The following ENAH variants were observed in gnomAD, a reference collection of about 807,000 sequenced individuals.
ENAH encodes protein enabled homolog.
In ENAH, 23 loss-of-function variants were observed where a neutral mutation model predicts 78.7. The ratio of observed to expected loss-of-function variants is 0.29; its 90% CI spans 0.21 to 0.41. The LOEUF is 0.41. ENAH is among the 10% of genes least tolerant of loss of function. The probability of loss-of-function intolerance (pLI) is 1.00; values close to 1 mark genes in which losing one functional copy is unlikely to be tolerated. For missense variants in ENAH, 544 were observed against 691.0 expected (o/e 0.79, Z 2.39); for synonymous variants, 226 against 241.0 (o/e 0.94, Z 0.58).
chr1:225,540,271 C>T (rs1336515976), intron 3 of ENAH, among the ~76,000 whole-genome samples: 3 of 152,056 alleles, frequency 2.0e-5, no homozygotes, highest in South Asian at 2.1e-4. Context: ...AATTCCATAG[C>T]GTTCAAGATA....
chr1:225,500,819 G>A (rs1005902674), intron 12 of ENAH, among the ~76,000 whole-genome samples, 173 bp downstream of exon 12: 3 of 152,160 alleles, frequency 2.0e-5, no homozygotes, highest in Admixed American at 6.5e-5. Context: ...TCAATGAACC[G>A]GAAGTGTAGA....
chr1:225,535,674 G>T, intron 3 of ENAH: 1 of 404,976 alleles, frequency 2.5e-6, no homozygotes, highest in Non-Finnish European at 4.7e-6. Context: ...TTATACATAC[G>T]TCCTATCTAG....
In ENAH at chr1:225,491,673, A is replaced by G. The variant is rs955220754; in HGVS notation, c.*6102T>C. 1 of 152,182 alleles carries G rather than the reference A, an allele frequency of 6.6e-6. No individual in the cohort carries two copies. Among genetic ancestry groups the G allele is most frequent in the Non-Finnish European group, 1.5e-5 (1 of 68,038 alleles). 9.4% of individuals were successfully genotyped at this position (152,182 alleles called of 1,614,324 possible). ...CTCAGTTTCTATAGACTTGGATGGAAACTTTTGGACTTGATGGGAAAATTA... is the reference window on the plus strand; with the variant it reads ...CTCAGTTTCTATAGACTTGGATGGAGACTTTTGGACTTGATGGGAAAATTA... On this transcript the variant is annotated 3_prime_UTR_variant, in exon 14 of 14. Transcript: ENST00000366843.
chr1:225,566,048 C>T (rs377558777), intron 2 of ENAH, among the ~76,000 whole-genome samples: 9 of 152,232 alleles, frequency 5.9e-5, no homozygotes, highest in Non-Finnish European at 1.0e-4. Flanking sequence ...GTTTTTACCA[C>T]GTGCCCCAAC....
chr1:225,518,714 A>G (rs1473072730), intron 5 of ENAH, among the ~76,000 whole-genome samples: 1 of 152,194 alleles, frequency 6.6e-6, no homozygotes, highest in East Asian at 1.9e-4. Context: ...CTAATTTTTC[A>G]TAATACTAGA....
intron 1 of ENAH, chr1:225,580,285 G>C (rs1340097246): frequency 6.6e-6 from 1 of 151,812 alleles, no homozygotes; most frequent in African/African-American, 2.4e-5. Flanking sequence ...CTTATGGAGA[G>C]GCCCACACGA....
At chr1:225,574,919 AATAT>A (rs1553445083) in intron 1 of ENAH, among the ~76,000 whole-genome samples, 1 of 2,992 alleles carries the variant, frequency 3.3e-4, no homozygotes, top group Admixed American at 4.5e-3. Flanking sequence ...AAAAAAAAAA[AATAT>A]ATATATATAA....
intron 3 of ENAH, among the ~76,000 whole-genome samples, chr1:225,548,545 G>GAACTGAAGGCCAGACA (rs2151381790): frequency 6.6e-6 from 1 of 152,302 alleles, no homozygotes; most frequent in East Asian, 1.9e-4. Context: ...TGAAGATCTT[G>GAACTGAAGGCCAGACA]AACTGAAGGC....
At chr1:225,498,217 TA>T in intron 13 of ENAH, 129 bp downstream of exon 13, 1 of 713,330 alleles carries the variant, frequency 1.4e-6, no homozygotes, top group Non-Finnish European at 2.3e-6. Flanking sequence ...ACCCTAATCC[TA>T]AAAGGGCAGG....
chr1:225,525,803 C>T (rs74149828), intron 4 of ENAH, among the ~76,000 whole-genome samples: 1,995 of 152,170 alleles, frequency 0.013, 42 homozygotes, highest in African/African-American at 0.045. Context: ...CACCTTGTCA[C>T]TCCCACCACC....
intron 1 of ENAH, among the ~76,000 whole-genome samples, chr1:225,590,592 T>TC (rs964960789): frequency 6.6e-5 from 10 of 151,826 alleles, no homozygotes; most frequent in Non-Finnish European, 1.3e-4. Context: ...CCTATTTTTC[T>TC]CCCCCCCATT....
intron 1 of ENAH, among the ~76,000 whole-genome samples, chr1:225,605,398 T>G (rs750806177): frequency 1.3e-5 from 2 of 152,174 alleles, no homozygotes; most frequent in Admixed American, 1.3e-4. Flanking sequence ...CATTCTGTGA[T>G]GTACAGTTAC....
At chr1:225,584,169 A>ATTT (rs1440936781) in intron 1 of ENAH, among the ~76,000 whole-genome samples, 2 of 152,204 alleles carry the variant, frequency 1.3e-5, no homozygotes, top group Non-Finnish European at 2.9e-5. Context: ...AAAAAAGGTA[A>ATTT]ATACAGGATA....
intron 4 of ENAH, among the ~76,000 whole-genome samples, chr1:225,530,271 A>G (rs755892133): frequency 2.6e-5 from 4 of 152,206 alleles, no homozygotes; most frequent in Non-Finnish European, 5.9e-5. Flanking sequence ...TTCTTGAACC[A>G]TAAGAAGATT....
intron 11 of ENAH, chr1:225,504,891 C>T: frequency 1.4e-6 from 1 of 725,700 alleles, no homozygotes; most frequent in Admixed American, 3.0e-5. Context: ...AAAAAAAAAT[C>T]TCCCTTGTGG....
At chr1:225,575,981 A>ACAAAC (rs2096785771) in intron 1 of ENAH, among the ~76,000 whole-genome samples, 2 of 152,226 alleles carry the variant, frequency 1.3e-5, no homozygotes, top group Admixed American at 6.5e-5. Flanking sequence ...CTTCCCATCC[A>ACAAAC]CAAACCATAC....
intron 1 of ENAH, among the ~76,000 whole-genome samples, chr1:225,623,880 G>C (rs927566925): frequency 1.3e-5 from 2 of 152,062 alleles, no homozygotes; most frequent in South Asian, 4.2e-4. Context: ...TAAGCCACCG[G>C]GCCCAGTCAG....
chr1:225,622,968 C>G (rs185231061), intron 1 of ENAH, among the ~76,000 whole-genome samples: 1 of 152,126 alleles, frequency 6.6e-6, no homozygotes, highest in African/African-American at 2.4e-5. Flanking sequence ...ATCCTCCACT[C>G]CAGCACCCCC....
At chr1:225,653,557 T>TGCGGAGACCGAGGC (rs1663458858), upstream of ENAH, among the ~76,000 whole-genome samples, 2 of 151,364 alleles carry the variant, frequency 1.3e-5, no homozygotes, top group South Asian at 4.2e-4. This position sits in a 1 kb window ranked among gnomAD's most constrained non-coding sequence, Gnocchi z 4.3. Context: ...ACGGCCACGG[T>TGCGGAGACCGAGGC]GCGGAGACCG....
Sources: allele counts gnomAD v4.1 joint callset (sites outside exome capture counted in the v4.1 genomes callset), GRCh38; gene constraint gnomAD v4.1.1; non-coding constraint Gnocchi (gnomAD v3.1); transcripts MANE v1.5; gene names NCBI Gene and HGNC (gene_info 2026-07-23, HGNC 2026-07-21).